SHLD2: variants seen among roughly 807,000 people sequenced by gnomAD.
The protein encoded by SHLD2 is shieldin complex subunit 2, also known as RINN1-REV7-interacting novel NHEJ regulator 2.
A neutral mutation model predicts 73.2 loss-of-function variants in SHLD2; 30 were observed. The observed-to-expected ratio is 0.41, with a 90% CI of 0.31 to 0.56. The LOEUF (loss-of-function observed/expected upper bound fraction) is 0.56. Among genes scored for constraint, SHLD2 ranks in the 20% least tolerant of loss-of-function variants. The pLI, the probability that SHLD2 is intolerant of heterozygous loss-of-function variation, is 0.28. For missense variants in SHLD2, 745 were observed against 1,055.9 expected, an observed-to-expected ratio of 0.71 and a Z score of 4.08; for synonymous variants, 285 against 370.1, an observed-to-expected ratio of 0.77 and a Z score of 2.64.
chr10:87,156,731 C>G (rs1031435454), intron 3 of SHLD2, among the ~76,000 whole-genome samples: 1 of 152,180 alleles, frequency 6.6e-6, no homozygotes, highest in Non-Finnish European at 1.5e-5. Flanking sequence ...AATTTCTCGT[C>G]TGTTCCTTTT....
At chr10:87,121,377 G>C (rs1447236429) in intron 2 of SHLD2, among the ~76,000 whole-genome samples, 2 of 152,180 alleles carry the variant, frequency 1.3e-5, no homozygotes, top group East Asian at 3.9e-4. Flanking sequence ...CACCAGCCTC[G>C]GCCTCACAGT....
At chr10:87,103,697 G>C (rs547646135) in intron 2 of SHLD2, among the ~76,000 whole-genome samples, 1 of 152,254 alleles carries the variant, frequency 6.6e-6, no homozygotes, top group Non-Finnish European at 1.5e-5. Context: ...CAAAGAAAAG[G>C]ACCTGTAATC....
chr10:87,181,995 T>C (rs529058427), intron 8 of SHLD2, among the ~76,000 whole-genome samples: 1 of 152,158 alleles, frequency 6.6e-6, no homozygotes, highest in South Asian at 2.1e-4. Context: ...CTCGAACTCC[T>C]GACCTCAGGT....
chr10:87,175,809 C>G (rs1847918426), intron 6 of SHLD2, 80 bp from the exon 7 acceptor site: 1 of 1,388,624 alleles, frequency 7.2e-7, no homozygotes, highest in African/African-American at 1.4e-5. Flanking sequence ...CTGACTTAAT[C>G]AGATCAATCT....
At chr10:87,176,272 C>T (rs1202145730) in intron 7 of SHLD2, among the ~76,000 whole-genome samples, 177 bp downstream of exon 7, 1 of 152,216 alleles carries the variant, frequency 6.6e-6, no homozygotes, top group Non-Finnish European at 1.5e-5. Context: ...GAAGGGAAGG[C>T]TAGTGCATAC....
Position 87,170,965 on chromosome 10 carries a change from AGG to A in SHLD2, c.1955_1956del (p.Arg652LysfsTer9), listed in dbSNP as rs1320451577. The A allele has an allele frequency of 8.7e-6, 13 of 1,500,260 alleles. No homozygotes were observed. The Admixed American group carries it at 1.2e-4, about 14-fold the overall frequency. The allele number at this position is 1,500,260 out of a possible 1,614,324, so 92.9% of individuals were successfully genotyped here. A position where few individuals can be genotyped will look rare whatever the true frequency, so the allele number is the denominator to read the frequency against. Reference protein sequence around the residue: ...PGAAWYPQLQRKKGYIWEFKY... With the variant: ...PGAAWYPQLQXKKGYIWEFKY... Reference sequence around the variant, plus strand: ...AGCAGCCTGGTACCCTCAACTTCAAAGGAAAAAAGGTAAATACACCAAAAAGC... The same window carrying A: ...AGCAGCCTGGTACCCTCAACTTCAAAAAAAAAGGTAAATACACCAAAAAGC... On this transcript the variant is annotated frameshift_variant, in exon 6 of 10. Transcript: ENST00000298786. LOFTEE classifies it high-confidence loss of function.
chr10:87,144,937 C>CTTTTTTTTTT (rs1178507966), intron 2 of SHLD2, among the ~76,000 whole-genome samples: 1 of 72,026 alleles, frequency 1.4e-5, no homozygotes, highest in Non-Finnish European at 2.5e-5. Context: ...GCCTGTAATT[C>CTTTTTTTTTT]TTTTTTTTTT....
At chr10:87,105,307 A>C (rs1204174886) in intron 2 of SHLD2, among the ~76,000 whole-genome samples, 1 of 152,226 alleles carries the variant, frequency 6.6e-6, no homozygotes, top group Non-Finnish European at 1.5e-5. Context: ...CAGAGAAGCA[A>C]AAAGTACCTT....
intron 3 of SHLD2, chr10:87,154,103 C>T (rs1846207524): frequency 6.6e-6 from 1 of 152,302 alleles, no homozygotes; most frequent in Non-Finnish European, 1.5e-5. Context: ...ATTGATCCTC[C>T]TGCCGCAGCC....
chr10:87,164,443 G>A (rs1847056642), intron 4 of SHLD2, among the ~76,000 whole-genome samples: 1 of 151,828 alleles, frequency 6.6e-6, no homozygotes, highest in African/African-American at 2.4e-5. Flanking sequence ...TGTAGAGACT[G>A]GATTTCACCA....
At chr10:87,150,673 T>C (rs185196289) in intron 2 of SHLD2, among the ~76,000 whole-genome samples, 2,034 of 151,570 alleles carry the variant, frequency 0.013, 27 homozygotes, top group Non-Finnish European at 0.023. Context: ...AGCAGGAGAA[T>C]TGGTTGAACC....
intron 4 of SHLD2, among the ~76,000 whole-genome samples, chr10:87,166,736 GAGTA>G (rs1364533372): frequency 5.3e-5 from 8 of 152,178 alleles, no homozygotes; most frequent in South Asian, 2.1e-4. Flanking sequence ...TTATGTAGAA[GAGTA>G]AGTGGTTGAA....
rs200967318 is a variant in SHLD2, at chr10:87,190,797, C to T, written c.*114C>T. On this transcript the variant is annotated 3_prime_UTR_variant, in exon 10 of 10. Transcript: ENST00000298786. ...TGGATTTTTTATGAAATATATTTTA[C>T]AAAGAGAATTGCACTAGATATATAA... 0.12 allele frequency: 99,068 copies of T among 844,414 alleles called. 6,314 individuals are homozygous for T. Among genetic ancestry groups the T allele is most frequent in the Admixed American group, 0.15 (5,906 of 39,650 alleles). 52.3% of individuals were successfully genotyped at this position (844,414 alleles called of 1,614,324 possible). A position where few individuals can be genotyped will look rare whatever the true frequency, so the allele number is the denominator to read the frequency against.
intron 2 of SHLD2, among the ~76,000 whole-genome samples, chr10:87,145,220 A>T (rs1385980346): frequency 6.6e-6 from 1 of 152,074 alleles, no homozygotes; most frequent in Non-Finnish European, 1.5e-5. Flanking sequence ...TAATTCTTAA[A>T]AGAGTTCGGC....
chr10:87,154,270 C>G (rs1462410724), intron 3 of SHLD2: 1 of 152,290 alleles, frequency 6.6e-6, no homozygotes, highest in African/African-American at 2.4e-5. Flanking sequence ...AGTGCAGACA[C>G]CTGATCGGCT....
intron 2 of SHLD2, among the ~76,000 whole-genome samples, chr10:87,102,996 G>A (rs1842367075): frequency 6.6e-6 from 1 of 152,036 alleles, no homozygotes; most frequent in African/African-American, 2.4e-5. Flanking sequence ...CGGATCACGA[G>A]GTCAAGAGAT....
chr10:87,190,081 C>T (rs1469668448), intron 9 of SHLD2, among the ~76,000 whole-genome samples: 1 of 152,192 alleles, frequency 6.6e-6, no homozygotes, highest in African/African-American at 2.4e-5. Context: ...TATTTAGAGA[C>T]AGAGTCTTGC....
intron 2 of SHLD2, among the ~76,000 whole-genome samples, chr10:87,136,404 C>T (rs1564591266): frequency 6.6e-6 from 1 of 150,622 alleles, no homozygotes; most frequent in African/African-American, 2.5e-5. Context: ...GCCATTTCTC[C>T]ATGGAGCCTT....
intron 2 of SHLD2, among the ~76,000 whole-genome samples, chr10:87,098,470 GC>G (rs1418505715): frequency 1.3e-5 from 2 of 148,288 alleles, no homozygotes; most frequent in Non-Finnish European, 3.0e-5. Context: ...CTGAGATTGC[GC>G]CATTGCACTC....
Sources: allele counts gnomAD v4.1 joint callset (sites outside exome capture counted in the v4.1 genomes callset), GRCh38; gene constraint gnomAD v4.1.1; transcripts MANE v1.5; gene names NCBI Gene and HGNC (gene_info 2026-07-23, HGNC 2026-07-21).